The following PLCE1 variants were observed in gnomAD, a reference collection of about 807,000 sequenced individuals.
PLCE1 encodes the protein phospholipase C epsilon 1.
Under a neutral mutation model 242.8 loss-of-function variants are expected in PLCE1, and 119 were observed. That is an observed-to-expected ratio of 0.49 (90% confidence interval 0.42 to 0.57). PLCE1 has a LOEUF of 0.57. PLCE1 is among the 20% of genes least tolerant of loss of function. PLCE1 has a pLI of 0.00. For synonymous variants in PLCE1, 945 were observed against 1,017.4 expected (o/e 0.93, Z 1.35); for missense variants, 2,441 against 2,788.8 (o/e 0.88, Z 2.81).
rs1208292027 is a variant in PLCE1 at position 94,246,414 on chromosome 10, T to C, written c.2889T>C (p.Gly963=). The C allele has an allele frequency of 6.2e-7, 1 of 1,614,172 alleles. No individual in the cohort carries two copies. The highest frequency in any genetic ancestry group is 1.1e-5 in the South Asian group (1 of 91,080). Residue 963 remains glycine, a synonymous_variant, in exon 8 of 33, where the codon GGT becomes GGC. Transcript: ENST00000371380. ...CTGTGTGTGTTCAGAACAAACTGGG[T>C]AGCATGTTCCTGTCAGAGACTGGTG... ...IHTVCVQNKL[G]SMFLSETGVT... is the part of the protein sequence containing the mutation.
intron 1 of PLCE1, among the ~76,000 whole-genome samples, chr10:94,012,515 C>T (rs532562771): frequency 1.3e-5 from 2 of 152,008 alleles, no homozygotes; most frequent in Non-Finnish European, 2.9e-5. Flanking sequence ...TGGAAAACAT[C>T]GGCCGTGTCA....
At chr10:94,323,991 C>CT (rs1303559264) in intron 30 of PLCE1, among the ~76,000 whole-genome samples, 2 of 152,176 alleles carry the variant, frequency 1.3e-5, no homozygotes, top group Non-Finnish European at 2.9e-5. Context: ...CACTGGCTGA[C>CT]TTTCATGTCT....
chr10:94,164,899 A>C (rs1015443628), intron 3 of PLCE1, among the ~76,000 whole-genome samples: 2 of 152,162 alleles, frequency 1.3e-5, no homozygotes, highest in Non-Finnish European at 2.9e-5. Flanking sequence ...CTGGAGGTCC[A>C]CTCTGGACCC....
chr10:94,001,263 T>C (rs2060925311), intron 1 of PLCE1, among the ~76,000 whole-genome samples: 1 of 152,170 alleles, frequency 6.6e-6, no homozygotes. Context: ...CTCTTATCTC[T>C]CTCTTCTTAG....
At chr10:94,015,296 T>C (rs1455686814) in intron 1 of PLCE1, among the ~76,000 whole-genome samples, 1 of 152,134 alleles carries the variant, frequency 6.6e-6, no homozygotes, top group African/African-American at 2.4e-5. Flanking sequence ...TTATCTTAGC[T>C]GTCATCCATT....
At chr10:94,204,714 A>G (rs1465782933) in intron 4 of PLCE1, among the ~76,000 whole-genome samples, 2 of 150,060 alleles carry the variant, frequency 1.3e-5, no homozygotes, top group Non-Finnish European at 3.0e-5. Flanking sequence ...GAAGGAAGAA[A>G]AGAAGGAAGG....
In PLCE1 at chr10:94,328,661, T is replaced by A. The variant is rs2054116641; in HGVS notation, c.*718T>A. 1 of 152,382 alleles carries A rather than the reference T, an allele frequency of 6.6e-6. No homozygotes were observed. Among genetic ancestry groups the A allele is most frequent in the East Asian group, 1.9e-4 (1 of 5,178 alleles). 9.4% of individuals were successfully genotyped at this position (152,382 alleles called of 1,614,324 possible). Reference sequence around the variant, plus strand: ...GCTTAGAATTAGAAGCTTTGGGGCATTTCAAGTGTAAATATGTCCTATAAC... The same window carrying A: ...GCTTAGAATTAGAAGCTTTGGGGCAATTCAAGTGTAAATATGTCCTATAAC... On this transcript the variant is annotated 3_prime_UTR_variant, in exon 33 of 33. Transcript: ENST00000371380.
Position 94,254,971 on chromosome 10 carries a change from A to G in PLCE1, c.3476A>G (p.Asn1159Ser), listed in dbSNP as rs776306167. The change falls in exon 11 of 33, where the codon AAC becomes AGC. Residue 1159 changes from asparagine to serine, a missense_variant. Around this residue, in one of 5 missense-constraint regions of PLCE1, gnomAD observed 1,004 missense variants for 1,322.7 expected, o/e 0.76. Transcript: ENST00000371380. Reference sequence around the variant, plus strand: ...TCTTTGACCACAGCTGGGTCCCCCAACTTGGCTGCCGGGACGTCATCTCCC... The same window carrying G: ...TCTTTGACCACAGCTGGGTCCCCCAGCTTGGCTGCCGGGACGTCATCTCCC... ...AHSLTTAGSPNLAAGTSSPIR... is the reference protein window; with the variant it reads ...AHSLTTAGSPSLAAGTSSPIR... The G allele has an allele frequency of 1.1e-5, 17 of 1,613,954 alleles. No individual in the cohort carries two copies. Among genetic ancestry groups the G allele is most frequent in the African/African-American group, 5.3e-5 (4 of 74,890 alleles).
At chr10:94,137,020 G>T (rs1043562349) in intron 3 of PLCE1, among the ~76,000 whole-genome samples, 1 of 152,132 alleles carries the variant, frequency 6.6e-6, no homozygotes, top group Non-Finnish European at 1.5e-5. Flanking sequence ...GTGAAACCCC[G>T]TGTCTACTAA....
chr10:94,215,537 C>T (rs1425247597), intron 4 of PLCE1, among the ~76,000 whole-genome samples: 1 of 152,030 alleles, frequency 6.6e-6, no homozygotes, highest in Non-Finnish European at 1.5e-5. Context: ...AACATGACAT[C>T]TGGGCTACTT....
At chr10:94,145,597 T>A (rs1476050416) in intron 3 of PLCE1, among the ~76,000 whole-genome samples, 3 of 152,164 alleles carry the variant, frequency 2.0e-5, no homozygotes, top group Admixed American at 2.0e-4. Context: ...CTATTCTCCC[T>A]TGGCCCGTGG....
chr10:94,190,088 G>C (rs531646061), intron 4 of PLCE1, among the ~76,000 whole-genome samples: 1 of 152,282 alleles, frequency 6.6e-6, no homozygotes, highest in East Asian at 1.9e-4. Flanking sequence ...TTCGAGACCA[G>C]CCTGGGCAAC....
chr10:94,095,204 C>G (rs1249743584), intron 2 of PLCE1, among the ~76,000 whole-genome samples: 1 of 152,216 alleles, frequency 6.6e-6, no homozygotes, highest in African/African-American at 2.4e-5. Context: ...GGGACTCATG[C>G]AATGACAGGC....
chr10:94,146,593 C>T (rs1252469401), intron 3 of PLCE1, among the ~76,000 whole-genome samples: 3 of 152,178 alleles, frequency 2.0e-5, no homozygotes, highest in South Asian at 4.2e-4. Flanking sequence ...ATTAGGGATC[C>T]GTAGCCCTGA....
At chr10:94,313,034 C>T (rs1257975394) in intron 27 of PLCE1, among the ~76,000 whole-genome samples, 1 of 152,116 alleles carries the variant, frequency 6.6e-6, no homozygotes, top group Non-Finnish European at 1.5e-5. Context: ...GAAAGAGACA[C>T]TGTAATTTAA....
rs377288149 is a variant in PLCE1 at position 94,306,585 on chromosome 10, C to T, written c.5781C>T (p.His1927=). The T allele has an allele frequency of 2.1e-5, 34 of 1,613,928 alleles. No individual in the cohort carries two copies. Among genetic ancestry groups the T allele is most frequent in the African/African-American group, 1.1e-4 (8 of 74,906 alleles). The change falls in exon 26 of 33, where the codon CAC becomes CAT. Residue 1927 remains histidine, a synonymous_variant. Transcript: ENST00000371380. The surrounding 1 kb of genome is among the most constrained non-coding windows in gnomAD (Gnocchi z 5.7). ...NPMWNEQFLF[H]VHFEDLVFLR... is the part of the protein sequence containing the mutation. ...TGTGGAACGAGCAGTTTCTGTTCCA[C>T]GTTCACTTCGAAGATCTTGTATTTC...
intron 3 of PLCE1, among the ~76,000 whole-genome samples, chr10:94,163,208 C>A (rs1328833715): frequency 6.6e-6 from 1 of 152,128 alleles, no homozygotes; most frequent in South Asian, 2.1e-4. Context: ...TCCTGGATAT[C>A]CTTGTTAACC....
At chr10:94,147,051 G>A (rs1291012416) in intron 3 of PLCE1, among the ~76,000 whole-genome samples, 2 of 151,990 alleles carry the variant, frequency 1.3e-5, no homozygotes, top group African/African-American at 4.8e-5. Context: ...GCATAATGTA[G>A]AGAAACGCTG....
chr10:94,205,534 A>G (rs576551299), intron 4 of PLCE1, among the ~76,000 whole-genome samples: 6 of 152,368 alleles, frequency 3.9e-5, no homozygotes, highest in Admixed American at 1.3e-4. Flanking sequence ...TGAATGACTA[A>G]ATAAATAGAA....
Sources: allele counts gnomAD v4.1 joint callset (sites outside exome capture counted in the v4.1 genomes callset), GRCh38; gene constraint gnomAD v4.1.1; regional missense constraint gnomAD v4.1.1; non-coding constraint Gnocchi (gnomAD v3.1); transcripts MANE v1.5; gene names NCBI Gene and HGNC (gene_info 2026-07-23, HGNC 2026-07-21).